The following AGBL4 variants were observed in gnomAD, a reference collection of about 807,000 sequenced individuals.
AGBL4 encodes cytosolic carboxypeptidase 6.
Under a neutral mutation model 66.4 loss-of-function variants are expected in AGBL4, and 58 were observed. The observed-to-expected ratio is 0.87, with a 90% CI of 0.71 to 1.09. The LOEUF is 1.09. Among genes scored for constraint, AGBL4 ranks in the 50% least tolerant of loss-of-function variants. The pLI is 0.00. For synonymous variants in AGBL4, 234 were observed against 222.9 expected (o/e 1.05, Z -0.44); for missense variants, 579 against 631.0 (o/e 0.92, Z 0.88).
intron 1 of AGBL4, among the ~76,000 whole-genome samples, chr1:49,973,703 T>TATC (rs1239531380): frequency 6.7e-6 from 1 of 148,736 alleles, no homozygotes; most frequent in Non-Finnish European, 1.5e-5. Context: ...TATTGTTATA[T>TATC]ATCATATTAT....
intron 1 of AGBL4, among the ~76,000 whole-genome samples, chr1:49,864,092 GA>G (rs1646642435): frequency 6.6e-6 from 1 of 152,184 alleles, no homozygotes; most frequent in Non-Finnish European, 1.5e-5. Context: ...TAAAAAAAAT[GA>G]GATCCTGTCA....
intron 3 of AGBL4, among the ~76,000 whole-genome samples, chr1:49,542,501 C>T (rs547498619): frequency 6.6e-6 from 1 of 152,246 alleles, no homozygotes; most frequent in South Asian, 2.1e-4. Context: ...TGAGGGTCTG[C>T]GGCTTCATTC....
chr1:49,315,832 CATAATTGGCAAAACTTGG>C (rs1185730713), intron 3 of AGBL4, among the ~76,000 whole-genome samples: 3 of 151,976 alleles, frequency 2.0e-5, no homozygotes, highest in African/African-American at 7.2e-5. Flanking sequence ...CAGCTTTATC[CATAATTGGCAAAACTTGG>C]AAGCAACCAA....
chr1:49,883,447 A>G (rs557991934), intron 1 of AGBL4, among the ~76,000 whole-genome samples: 2 of 152,134 alleles, frequency 1.3e-5, no homozygotes, highest in East Asian at 3.9e-4. Context: ...TTACAGAATT[A>G]TTACTTTTTA....
chr1:49,012,419 A>G (rs1662509553), intron 5 of AGBL4, among the ~76,000 whole-genome samples: 1 of 152,176 alleles, frequency 6.6e-6, no homozygotes, highest in South Asian at 2.1e-4. Flanking sequence ...GAGAACAGAC[A>G]TCTATTAAGA....
chr1:49,839,537 G>T (rs1255560850), intron 2 of AGBL4, among the ~76,000 whole-genome samples: 1 of 152,158 alleles, frequency 6.6e-6, no homozygotes, highest in Non-Finnish European at 1.5e-5. Context: ...TCAAATGAAA[G>T]CATTTGGATT....
Position 49,435,930 on chromosome 1 carries a change from T to C in AGBL4, c.283-190066A>G, listed in dbSNP as rs188437220. 3.6e-3 allele frequency among the ~76,000 whole-genome samples: 552 copies of C among 152,338 alleles called. 3 individuals are homozygous for C. Among genetic ancestry groups the C allele is most frequent in the African/African-American group, 0.012 (499 of 41,580 alleles). On this transcript the variant is annotated intron_variant, in intron 3 of 13. Transcript: ENST00000371839. ...TCCAAAGCCCATGCTTTTTCTATTA[T>C]GCTCTTCTACATTTGTAAGATAAAG...
intron 3 of AGBL4, among the ~76,000 whole-genome samples, chr1:49,275,989 T>C (rs1644160278): frequency 2.6e-5 from 4 of 152,128 alleles, no homozygotes; most frequent in African/African-American, 9.7e-5. Context: ...AGATTGCCAC[T>C]GCAATCTGAA....
chr1:48,829,206 A>G (rs1367573027), intron 6 of AGBL4, among the ~76,000 whole-genome samples: 1 of 152,226 alleles, frequency 6.6e-6, no homozygotes, highest in Non-Finnish European at 1.5e-5. Flanking sequence ...ATCATAAACC[A>G]TCAGAGCTAC....
chr1:49,462,025 G>C (rs959980709), intron 3 of AGBL4, among the ~76,000 whole-genome samples: 1 of 151,706 alleles, frequency 6.6e-6, no homozygotes, highest in African/African-American at 2.4e-5. Flanking sequence ...TCTAGTTCTA[G>C]ATCCTTGAGG....
At chr1:49,020,266 C>T (rs1225127873) in intron 5 of AGBL4, among the ~76,000 whole-genome samples, 3 of 152,162 alleles carry the variant, frequency 2.0e-5, no homozygotes, top group Non-Finnish European at 4.4e-5. Flanking sequence ...GGGCACAGCA[C>T]TTTTGAGTCT....
intron 8 of AGBL4, among the ~76,000 whole-genome samples, chr1:48,650,789 G>T (rs1645917052): frequency 6.6e-6 from 1 of 152,044 alleles, no homozygotes; most frequent in South Asian, 2.1e-4. Flanking sequence ...ACTTAACTTT[G>T]GGAAACACTG....
intron 2 of AGBL4, 81 bp from the exon 3 acceptor site, chr1:49,697,518 T>C: frequency 8.8e-7 from 1 of 1,142,656 alleles, no homozygotes; most frequent in Non-Finnish European, 1.2e-6. Context: ...TATTATGCTC[T>C]CTGATAGTGG....
At chr1:49,784,452 C>A (rs1644405062) in intron 2 of AGBL4, among the ~76,000 whole-genome samples, 1 of 152,038 alleles carries the variant, frequency 6.6e-6, no homozygotes, top group Non-Finnish European at 1.5e-5. Flanking sequence ...TGGAACCCTT[C>A]CTCAAACCAC....
At chr1:49,806,534 A>T (rs1644980983) in intron 2 of AGBL4, among the ~76,000 whole-genome samples, 1 of 152,226 alleles carries the variant, frequency 6.6e-6, no homozygotes, top group Non-Finnish European at 1.5e-5. Flanking sequence ...AATGAAGCAG[A>T]ACTTAAAGAT....
At chr1:49,564,914 G>A (rs1644153604) in intron 3 of AGBL4, among the ~76,000 whole-genome samples, 2 of 152,168 alleles carry the variant, frequency 1.3e-5, no homozygotes, top group Admixed American at 1.3e-4. Context: ...GGGTGTTAAA[G>A]TCTCCCATTA....
At chr1:49,802,915 A>G (rs1557462253) in intron 2 of AGBL4, among the ~76,000 whole-genome samples, 1 of 152,192 alleles carries the variant, frequency 6.6e-6, no homozygotes, top group Non-Finnish European at 1.5e-5. Context: ...TTGCCCTAGC[A>G]AAGCACATAA....
intron 3 of AGBL4, among the ~76,000 whole-genome samples, chr1:49,533,976 C>T (rs996765554): frequency 1.3e-5 from 2 of 151,916 alleles, no homozygotes; most frequent in Non-Finnish European, 2.9e-5. Flanking sequence ...TTGGGGATTT[C>T]GCCAAAGAGA....
At chr1:49,760,083 T>A (rs921504754) in intron 2 of AGBL4, among the ~76,000 whole-genome samples, 1 of 147,798 alleles carries the variant, frequency 6.8e-6, no homozygotes, top group African/African-American at 2.5e-5. Flanking sequence ...CCAAATCATC[T>A]GCTTTAAAAT....
Sources: allele counts gnomAD v4.1 joint callset (sites outside exome capture counted in the v4.1 genomes callset), GRCh38; gene constraint gnomAD v4.1.1; transcripts MANE v1.5; gene names NCBI Gene and HGNC (gene_info 2026-07-23, HGNC 2026-07-21).